Variants in CTNNA2 observed in about 807,000 individuals in gnomAD.
CTNNA2 encodes the protein catenin alpha-2.
CTNNA2 carries 42 observed loss-of-function variants against 101.0 expected under a neutral mutation model. The ratio of observed to expected loss-of-function variants is 0.42; its 90% CI spans 0.32 to 0.54. The LOEUF (loss-of-function observed/expected upper bound fraction) is 0.54, where lower values mean the gene tolerates loss of function less well. Ranked by LOEUF, CTNNA2 falls within the 20% of genes least tolerant of loss-of-function variation. CTNNA2 has a pLI of 0.14. For synonymous variants in CTNNA2, 450 were observed against 456.4 expected (o/e 0.99, Z 0.18); for missense variants, 871 against 1,223.1 (o/e 0.71, Z 4.29).
At chr2:79,651,267 A>T (rs1482661005) in intron 1 of CTNNA2, among the ~76,000 whole-genome samples, 1 of 152,176 alleles carries the variant, frequency 6.6e-6, no homozygotes, top group Non-Finnish European at 1.5e-5. Flanking sequence ...ATAGGTATGC[A>T]TACTCATTGT....
chr2:80,295,448 A>T (rs184344579), intron 7 of CTNNA2, among the ~76,000 whole-genome samples: 13 of 151,876 alleles, frequency 8.6e-5, no homozygotes, highest in African/African-American at 3.1e-4. Context: ...CTCTCAGTGA[A>T]TTTTTTTTTA....
intron 7 of CTNNA2, among the ~76,000 whole-genome samples, chr2:80,285,755 G>A (rs1674711037): frequency 6.6e-6 from 1 of 152,148 alleles, no homozygotes; most frequent in South Asian, 2.1e-4. Context: ...CCTGACAGAT[G>A]AGCCTTCAAA....
At chr2:79,433,291 A>T (rs2104511791) in intron 4 of CTNNA2, among the ~76,000 whole-genome samples, 1 of 152,304 alleles carries the variant, frequency 6.6e-6, no homozygotes, top group African/African-American at 2.4e-5. Flanking sequence ...AGTCAGAAAC[A>T]AACTACTCCT....
At chr2:79,378,703 C>T (rs58443300) in intron 4 of CTNNA2, among the ~76,000 whole-genome samples, 3,710 of 152,208 alleles carry the variant, frequency 0.024, 122 homozygotes, top group African/African-American at 0.075. Flanking sequence ...CTCAGAAATA[C>T]ATTTACATGA....
chr2:80,605,018 G>A (rs992843264), intron 16 of CTNNA2: 42 of 151,944 alleles, frequency 2.8e-4, no homozygotes, highest in African/African-American at 1.0e-3. Flanking sequence ...CACCATAAAC[G>A]GGATTATTCC....
At chr2:80,548,886 A>G (rs1692323173) in intron 11 of CTNNA2, among the ~76,000 whole-genome samples, 1 of 152,152 alleles carries the variant, frequency 6.6e-6, no homozygotes, top group Non-Finnish European at 1.5e-5. Context: ...GGCATTAATG[A>G]TATTTTATGT....
At chr2:80,121,842 A>G (rs1701853079) in intron 7 of CTNNA2, among the ~76,000 whole-genome samples, 1 of 152,166 alleles carries the variant, frequency 6.6e-6, no homozygotes, top group Non-Finnish European at 1.5e-5. Flanking sequence ...GGAAATAAAA[A>G]CGCTTGGCTG....
chr2:79,465,324 T>C (rs539419664), intron 4 of CTNNA2, among the ~76,000 whole-genome samples: 12 of 152,312 alleles, frequency 7.9e-5, no homozygotes, highest in Non-Finnish European at 1.6e-4. Context: ...GAGGGCTCTG[T>C]TCTGTTCCAT....
chr2:79,597,243 C>T (rs769830820), intron 1 of CTNNA2, among the ~76,000 whole-genome samples: 2 of 151,994 alleles, frequency 1.3e-5, no homozygotes, highest in Non-Finnish European at 2.9e-5. Flanking sequence ...GAGGCCCAGG[C>T]GGCATGATCA....
intron 12 of CTNNA2, among the ~76,000 whole-genome samples, chr2:80,573,593 A>G (rs971766123): frequency 6.6e-6 from 1 of 152,076 alleles, no homozygotes; most frequent in Admixed American, 6.6e-5. Flanking sequence ...GAAGGGTTGT[A>G]TCATTTCATC....
At chr2:79,338,034 T>C (rs1677034918) in intron 3 of CTNNA2, among the ~76,000 whole-genome samples, 2 of 151,752 alleles carry the variant, frequency 1.3e-5, no homozygotes, top group African/African-American at 4.8e-5. Context: ...TCACCTGAGG[T>C]CAGGAGTTCG....
chr2:79,422,785 A>G lies in CTNNA2; in HGVS notation c.-135+48772A>G, dbSNP rs555655281. 3.1e-4 allele frequency among the ~76,000 whole-genome samples: 47 copies of G among 152,330 alleles called. No individual in the cohort carries two copies. The South Asian group carries it at 9.3e-3, about 30-fold the overall frequency. On this transcript the variant is annotated intron_variant, in intron 4 of 21. Transcript: ENST00000466387. ...ATAAAGTACTTGTTATGTAAAAGTG[A>G]CATCCCATGACAAACAAGTGTGAAG...
intron 15 of CTNNA2, 105 bp from the exon 16 acceptor site, chr2:80,603,969 T>A: frequency 3.4e-6 from 3 of 886,398 alleles, no homozygotes; most frequent in South Asian, 1.7e-5. Context: ...ATGTGGCCAG[T>A]GCCAAATAAA....
chr2:79,297,353 G>T (rs115213358), intron 2 of CTNNA2, among the ~76,000 whole-genome samples: 6 of 152,260 alleles, frequency 3.9e-5, no homozygotes, highest in South Asian at 2.1e-4. Context: ...CTTAACTTCA[G>T]TGTCTGACCA....
chr2:79,288,982 T>C (rs893288952), intron 2 of CTNNA2, among the ~76,000 whole-genome samples: 37 of 152,220 alleles, frequency 2.4e-4, no homozygotes, highest in Non-Finnish European at 4.4e-5. Flanking sequence ...TTTTCTACTA[T>C]AGGCATTATG....
chr2:79,646,901 G>A (rs1680861992), intron 1 of CTNNA2, among the ~76,000 whole-genome samples: 1 of 152,146 alleles, frequency 6.6e-6, no homozygotes, highest in Non-Finnish European at 1.5e-5. Context: ...GTAACATTGT[G>A]CTGTATGGAA....
At chr2:79,317,109 T>C (rs970784519) in intron 3 of CTNNA2, among the ~76,000 whole-genome samples, 1 of 152,004 alleles carries the variant, frequency 6.6e-6, no homozygotes, top group African/African-American at 2.4e-5. Flanking sequence ...GGTGGTGGTT[T>C]TATCAATAAT....
upstream of CTNNA2, among the ~76,000 whole-genome samples, chr2:79,511,567 G>T (rs1212210911): frequency 6.6e-6 from 1 of 152,132 alleles, no homozygotes; most frequent in Admixed American, 6.5e-5. Context: ...TTCTTCTTAA[G>T]CCAATATCCG....
At chr2:79,405,304 C>G (rs183623286) in intron 4 of CTNNA2, among the ~76,000 whole-genome samples, 1 of 152,042 alleles carries the variant, frequency 6.6e-6, no homozygotes, top group East Asian at 1.9e-4. Flanking sequence ...GAGACTGCAG[C>G]CCTGGCTGAC....
Sources: allele counts gnomAD v4.1 joint callset (sites outside exome capture counted in the v4.1 genomes callset), GRCh38; gene constraint gnomAD v4.1.1; transcripts MANE v1.5; gene names NCBI Gene and HGNC (gene_info 2026-07-23, HGNC 2026-07-21).